Variants in SAPCD2 observed in about 807,000 individuals in gnomAD.
SAPCD2 encodes the protein suppressor APC domain containing 2, also known as suppressor APC domain-containing protein 2.
In SAPCD2, 34 loss-of-function variants were observed where a neutral mutation model predicts 37.8. The observed-to-expected ratio is 0.90, with a 90% CI of 0.68 to 1.20. SAPCD2 has a LOEUF of 1.20. SAPCD2 is among the 50% of genes most tolerant of loss of function. SAPCD2 has a pLI of 0.00. For missense variants in SAPCD2, 572 were observed against 584.7 expected (o/e 0.98, Z 0.22); for synonymous variants, 275 against 270.3 (o/e 1.02, Z -0.17).
At position 137,064,755 on chromosome 9, in the gene SAPCD2, C is replaced by T. The variant is rs377480027; in HGVS notation, c.1089G>A (p.Gln363=). The part of the protein sequence containing the change: ...EVTEKSERIT[Q]LEQEKSALIK... ...TGAGCGCCGACTTCTCCTGCTCCAG[C>T]TGCGTGATGCGCTCACTCTTCTCGG... is the stretch of plus-strand genomic sequence containing the variant. The change falls in exon 6 of 6, where the codon CAG becomes CAA. Residue 363 remains glutamine (Q), a synonymous_variant. Coordinates refer to ENST00000409687, the MANE Select transcript of SAPCD2 (RefSeq NM_178448.4). 26 of 1,593,708 alleles carry T rather than the reference C, an allele frequency of 1.6e-5. No individual in the cohort carries two copies. The African/African-American group carries it at 3.1e-4, about 19-fold the overall frequency.
At chr9:137,067,685 G>A (rs1480366095) in intron 1 of SAPCD2, among the ~76,000 whole-genome samples, 12 of 145,952 alleles carry the variant, frequency 8.2e-5, no homozygotes, top group Non-Finnish European at 1.6e-4. Context: ...GAAGCAGGAG[G>A]ATCGCTTGAA....
intron 1 of SAPCD2, among the ~76,000 whole-genome samples, chr9:137,066,643 G>A (rs1031671953): frequency 6.6e-6 from 1 of 152,236 alleles, no homozygotes; most frequent in African/African-American, 2.4e-5. Flanking sequence ...GCTCTCTGGG[G>A]CCAGAGGCCT....
At chr9:137,068,698 G>A (rs1036234388) in intron 1 of SAPCD2, among the ~76,000 whole-genome samples, 19 of 152,246 alleles carry the variant, frequency 1.2e-4, no homozygotes, top group Admixed American at 1.2e-3. Flanking sequence ...GGGAGATGTG[G>A]TACGTGAGCC....
intron 3 of SAPCD2, 141 bp from the exon 4 acceptor site, chr9:137,065,326 G>A: frequency 8.7e-6 from 8 of 921,064 alleles, no homozygotes; most frequent in Non-Finnish European, 1.3e-5. Flanking sequence ...GCATTGCTGA[G>A]GTGGGAGGTC....
chr9:137,064,839 G>A (rs889798794), intron 5 of SAPCD2, 24 bp downstream of exon 5: 2 of 1,575,538 alleles, frequency 1.3e-6, no homozygotes, highest in Non-Finnish European at 1.7e-6. Context: ...CCCCACCCCT[G>A]CACCCCTCCC....
rs765809305 is a variant in SAPCD2 at position 137,070,406 on chromosome 9, G to A, written c.55C>T (p.Pro19Ser). 1.5e-6 allele frequency: 2 copies of A among 1,330,928 alleles called. No homozygotes were observed. Among genetic ancestry groups the A allele is most frequent in the South Asian group, 3.9e-5 (2 of 51,416 alleles). The allele number at this position is 1,330,928 out of a possible 1,614,324, so 82.4% of individuals were successfully genotyped here. The change falls in exon 1 of 6, where the codon CCC becomes TCC. Residue 19 changes from proline to serine, a missense_variant. Pro to Ser is a moderately conservative substitution (Grantham distance 74). Transcript: ENST00000409687. ...RGRVPPPAPAPSTEGLPRAFL... is the reference protein window; with the variant it reads ...RGRVPPPAPASSTEGLPRAFL... ...GCGCGCGGCAGCCCCTCCGTGCTGG[G>A]CGCGGGTGCGGGGGGAGGCACGCGG...
At position 137,062,661 on chromosome 9, in the gene SAPCD2, C is replaced by G. The variant is rs1370747537; in HGVS notation, c.*1998G>C. On this transcript the variant is annotated 3_prime_UTR_variant, in exon 6 of 6. Transcript: ENST00000409687. Reference sequence around the variant, plus strand: ...ACATCCTGCACGGAGACTGACCCGCCCAGCGTCCTAGGGCAGGCTCCAGGC... The same window carrying G: ...ACATCCTGCACGGAGACTGACCCGCGCAGCGTCCTAGGGCAGGCTCCAGGC... 1 of 152,246 alleles carries G rather than the reference C, an allele frequency of 6.6e-6. No individual in the cohort carries two copies. Among genetic ancestry groups the G allele is most frequent in the Non-Finnish European group, 1.5e-5 (1 of 68,058 alleles). The allele number at this position is 152,246 out of a possible 1,614,324, so 9.4% of individuals were successfully genotyped here. A position where few individuals can be genotyped will look rare whatever the true frequency, so the allele number is the denominator to read the frequency against.
rs1302618245 is a variant in SAPCD2, at chr9:137,064,935, C to T, written c.984G>A (p.Thr328=). The T allele has an allele frequency of 7.1e-6, 11 of 1,554,008 alleles. No individual in the cohort carries two copies. The highest frequency in any genetic ancestry group is 5.9e-5 in the South Asian group (5 of 84,502). ...GCTGCCAGACCGGGGGTGAGGTGGA[C>T]GTCAGGGCAGGGCAGGGGGGCCCGG... ...SSSGPPCPAL[T]STSPPVWQQQ... Residue 328 remains threonine (T), a synonymous_variant, in exon 5 of 6, where the codon ACG becomes ACA. Transcript: ENST00000409687.
chr9:137,068,226 C>T (rs1832576717), intron 1 of SAPCD2, among the ~76,000 whole-genome samples: 1 of 152,230 alleles, frequency 6.6e-6, no homozygotes, highest in African/African-American at 2.4e-5. Context: ...GAAGAGCACA[C>T]AGCCCTTCAG....
chr9:137,066,275 A>G lies in SAPCD2; in HGVS notation c.671T>C (p.Val224Ala). The G allele has an allele frequency of 6.2e-7, 1 of 1,605,116 alleles. No homozygotes were observed. Among genetic ancestry groups the G allele is most frequent in the East Asian group, 2.2e-5 (1 of 44,576 alleles). ...ERRRHTIASG[V>A]DCGLLKQMKE... ...GTCCCTGCTCACCAGGCCGCAGTCC[A>G]CGCCGCTGGCGATGGTGTGCCTCCG... Residue 224 changes from valine (V) to alanine (A), a missense_variant, in exon 2 of 6, where the codon GTG becomes GCG. Physicochemically the swap from Val to Ala is moderately conservative, Grantham distance 64 (BLOSUM62 0). Coordinates refer to ENST00000409687, the MANE Select transcript of SAPCD2 (RefSeq NM_178448.4).
At chr9:137,068,726 CAG>C (rs1832584040) in intron 1 of SAPCD2, among the ~76,000 whole-genome samples, 1 of 152,250 alleles carries the variant, frequency 6.6e-6, no homozygotes, top group African/African-American at 2.4e-5. Flanking sequence ...CATGGGGCAT[CAG>C]AGCAGAGCAG....
Position 137,070,180 on chromosome 9 carries a change from G to A in SAPCD2, c.281C>T (p.Ser94Phe). Reference protein sequence around the residue: ...FERFVAGLRTSLLSADGGPRD... With the variant: ...FERFVAGLRTFLLSADGGPRD... ...GGGGCCGCCGTCGGCGCTCAGCAGG[G>A]AGGTGCGCAGGCCGGCCACGAAGCG... Residue 94 changes from serine to phenylalanine, a missense_variant, in exon 1 of 6, where the codon TCC becomes TTC. Ser to Phe is a radical substitution (Grantham distance 155). Coordinates refer to ENST00000409687, the MANE Select transcript of SAPCD2 (RefSeq NM_178448.4). 7.5e-7 allele frequency: 1 copy of A among 1,335,208 alleles called. No homozygotes were observed. The highest frequency in any genetic ancestry group is 9.6e-7 in the Non-Finnish European group (1 of 1,037,590). The allele number at this position is 1,335,208 out of a possible 1,614,324, so 82.7% of individuals were successfully genotyped here. A position where few individuals can be genotyped will look rare whatever the true frequency, so the allele number is the denominator to read the frequency against.
intron 1 of SAPCD2, among the ~76,000 whole-genome samples, chr9:137,069,385 C>T (rs1260770527): frequency 6.6e-6 from 1 of 151,974 alleles, no homozygotes; most frequent in Non-Finnish European, 1.5e-5. Context: ...CTTGGGCCAC[C>T]AGCAGCAGCC....
At position 137,065,697 on chromosome 9, in the gene SAPCD2, C is replaced by T. The variant is rs778170359; in HGVS notation, c.685-29G>A. 6.3e-6 allele frequency: 10 copies of T among 1,580,788 alleles called. No individual in the cohort carries two copies. In the African/African-American group the frequency reaches 8.1e-5, roughly 13 times the overall value. ...CAATACGTGCATTTACATGGAATGCCTGGCCCCAGTGAGCACGCACACGTC... is the reference window on the plus strand; with the variant it reads ...CAATACGTGCATTTACATGGAATGCTTGGCCCCAGTGAGCACGCACACGTC... On this transcript the variant is annotated intron_variant, in intron 2 of 5. Transcript: ENST00000409687.
Position 137,064,529 on chromosome 9 carries a change from G to A in SAPCD2, c.*130C>T, listed in dbSNP as rs1832512985. Reference sequence around the variant, plus strand: ...GCCCATCTGGCAAGGGCGGCAGGAAGGCGCCCACTCCGGGACTGTGCCTGG... The same window carrying A: ...GCCCATCTGGCAAGGGCGGCAGGAAAGCGCCCACTCCGGGACTGTGCCTGG... On this transcript the variant is annotated 3_prime_UTR_variant, in exon 6 of 6. Transcript: ENST00000409687. 3.7e-6 allele frequency: 4 copies of A among 1,076,432 alleles called. No individual in the cohort carries two copies. Among genetic ancestry groups the A allele is most frequent in the Non-Finnish European group, 4.0e-6 (3 of 752,000 alleles). 66.7% of individuals were successfully genotyped at this position (1,076,432 alleles called of 1,614,324 possible).
chr9:137,065,542 C>G lies in SAPCD2; in HGVS notation c.811G>C (p.Gly271Arg). 6.2e-7 allele frequency: 1 copy of G among 1,605,574 alleles called. No individual in the cohort carries two copies. The highest frequency in any genetic ancestry group is 2.2e-5 in the East Asian group (1 of 44,630). ...QRVQERQRRL[G>R]QSRASADFGA... Reference sequence around the variant, plus strand: ...CTCACGGCGCTGGCTCTGCTCTGGCCCAGGCGGCGCTGGCGCTCCTGCACT... The same window carrying G: ...CTCACGGCGCTGGCTCTGCTCTGGCGCAGGCGGCGCTGGCGCTCCTGCACT... Residue 271 changes from glycine to arginine, a missense_variant, in exon 3 of 6, where the codon GGC becomes CGC. Physicochemically the swap from Gly to Arg is moderately radical, Grantham distance 125. Coordinates refer to ENST00000409687, the MANE Select transcript of SAPCD2 (RefSeq NM_178448.4).
In SAPCD2 at chr9:137,065,078, C is replaced by A; in HGVS notation, c.939G>T (p.Arg313=). ...GTGTGGGGGTTTGGGGTACACTCAC[C>A]CGGCTGGCACAGGCTGCAGCCAGCA... ...GELLAAACAS[R]ALPPSSSGPP... The change falls in exon 4 of 6, where the codon CGG becomes CGT. Residue 313 remains arginine (R), a splice_region_variant and synonymous_variant. Coordinates refer to ENST00000409687, the MANE Select transcript of SAPCD2 (RefSeq NM_178448.4). 1 of 1,524,122 alleles carries A rather than the reference C, an allele frequency of 6.6e-7. No homozygotes were observed. Among genetic ancestry groups the A allele is most frequent in the East Asian group, 2.4e-5 (1 of 41,186 alleles). 94.4% of individuals were successfully genotyped at this position (1,524,122 alleles called of 1,614,324 possible).
chr9:137,069,899 C>T lies in SAPCD2; in HGVS notation c.562G>A (p.Ala188Thr), dbSNP rs1399666195. ...QSAALEPSSS[A>T]DAGAVACRAL... Reference sequence around the variant, plus strand: ...GCCGTCCGGAACTCACCTGCGTCCGCGCTGGAGCTCGGTTCCAGCGCCGCG... The same window carrying T: ...GCCGTCCGGAACTCACCTGCGTCCGTGCTGGAGCTCGGTTCCAGCGCCGCG... The change falls in exon 1 of 6, where the codon GCG becomes ACG. Residue 188 changes from alanine (A) to threonine (T), a missense_variant. Ala to Thr is a moderately conservative substitution (Grantham distance 58). Transcript: ENST00000409687. The T allele has an allele frequency of 1.6e-6, 2 of 1,275,174 alleles. No individual in the cohort carries two copies. The highest frequency in any genetic ancestry group is 2.0e-6 in the Non-Finnish European group (2 of 1,009,518). The allele number at this position is 1,275,174 out of a possible 1,614,324, so 79.0% of individuals were successfully genotyped here.
chr9:137,070,205 G>T lies in SAPCD2; in HGVS notation c.256C>A (p.Arg86Ser). The T allele has an allele frequency of 7.3e-7, 1 of 1,375,262 alleles. No homozygotes were observed. The highest frequency in any genetic ancestry group is 1.6e-5 in the South Asian group (1 of 64,422). 85.2% of individuals were successfully genotyped at this position (1,375,262 alleles called of 1,614,324 possible). Residue 86 changes from arginine (R) to serine (S), a missense_variant, in exon 1 of 6, where the codon CGC becomes AGC. Transcript: ENST00000409687. ...APASGYLTFE[R>S]FVAGLRTSLL... ...GAGGTGCGCAGGCCGGCCACGAAGC[G>T]CTCGAAGGTCAGGTAGCCGCTGGCC...
Sources: gnomAD v4.1 joint callset for allele counts (sites outside exome capture counted in the v4.1 genomes callset) on GRCh38, gnomAD v4.1.1 for gene constraint, MANE v1.5 for transcripts, NCBI Gene and HGNC (gene_info 2026-07-23, HGNC 2026-07-21) for gene names.